Variants in PANK1 observed in about 807,000 individuals in gnomAD.
PANK1 encodes the protein pantothenate kinase 1.
In PANK1, 18 loss-of-function variants were observed where a neutral mutation model predicts 40.1. The ratio of observed to expected loss-of-function variants is 0.45; its 90% confidence interval spans 0.31 to 0.67. The LOEUF is 0.67. PANK1 is among the 30% of genes least tolerant of loss of function. The pLI is 0.06. For synonymous variants in PANK1, 242 were observed against 237.7 expected, an observed-to-expected ratio of 1.02 and a Z score of -0.17; for missense variants, 457 against 599.6, an observed-to-expected ratio of 0.76 and a Z score of 2.48.
intron 1 of PANK1, among the ~76,000 whole-genome samples, chr10:89,635,159 T>G (rs1841767297): frequency 6.7e-6 from 1 of 149,590 alleles, no homozygotes; most frequent in Non-Finnish European, 1.5e-5. Context: ...GAGAGAGAGA[T>G]AAAATGTCCT....
At chr10:89,615,582 T>A (rs1845292722) in intron 1 of PANK1, among the ~76,000 whole-genome samples, 1 of 152,188 alleles carries the variant, frequency 6.6e-6, no homozygotes, top group Non-Finnish European at 1.5e-5. Context: ...ATAAGAATTA[T>A]CTTATCTCTG....
chr10:89,616,870 G>A (rs146182516), intron 1 of PANK1, among the ~76,000 whole-genome samples: 1,557 of 151,816 alleles, frequency 0.01, 15 homozygotes, highest in Middle Eastern at 0.031. Context: ...GCAGTGAGCC[G>A]AGATCACTCC....
At chr10:89,632,442 A>G (rs1262970790) in intron 1 of PANK1, among the ~76,000 whole-genome samples, 2 of 152,204 alleles carry the variant, frequency 1.3e-5, no homozygotes, top group Non-Finnish European at 2.9e-5. Context: ...AATAAATTAT[A>G]AATCACCCTA....
At chr10:89,581,301 C>T (rs534281628), downstream of PANK1, 1 of 152,220 alleles carries the variant, frequency 6.6e-6, no homozygotes, top group Non-Finnish European at 1.5e-5. Context: ...TTGTTCCCAA[C>T]AAAGAGACTC....
chr10:89,581,615 C>T (rs866686370), downstream of PANK1: 2 of 152,168 alleles, frequency 1.3e-5, no homozygotes, highest in African/African-American at 2.4e-5. Flanking sequence ...GGGGTTTCAC[C>T]GTATTAGCCA....
At chr10:89,621,388 C>G (rs1158868532) in intron 1 of PANK1, among the ~76,000 whole-genome samples, 2 of 151,944 alleles carry the variant, frequency 1.3e-5, no homozygotes, top group Admixed American at 1.3e-4. Context: ...ACTAACCTTC[C>G]TTTCACAATG....
intron 3 of PANK1, among the ~76,000 whole-genome samples, chr10:89,596,739 A>G (rs1219377599): frequency 2.0e-5 from 3 of 152,226 alleles, no homozygotes; most frequent in African/African-American, 7.2e-5. Flanking sequence ...AACAAACAAC[A>G]TCATAGTGGG....
chr10:89,614,609 G>A (rs1436990273), intron 1 of PANK1, among the ~76,000 whole-genome samples: 2 of 152,004 alleles, frequency 1.3e-5, no homozygotes, highest in Admixed American at 6.6e-5. Context: ...ACCAGCCTGG[G>A]CAACATGACG....
intron 1 of PANK1, among the ~76,000 whole-genome samples, chr10:89,634,495 T>C (rs773740588): frequency 2.6e-5 from 4 of 152,226 alleles, no homozygotes; most frequent in Non-Finnish European, 4.4e-5. Context: ...TCATTCATCA[T>C]CTGCCAAAGG....
chr10:89,634,325 C>G (rs1421236597), intron 1 of PANK1, among the ~76,000 whole-genome samples: 1 of 152,144 alleles, frequency 6.6e-6, no homozygotes, highest in African/African-American at 2.4e-5. Context: ...AAGTAACTGG[C>G]TGCCCAGGCT....
intron 1 of PANK1, among the ~76,000 whole-genome samples, chr10:89,630,544 G>C (rs977405534): frequency 3.3e-5 from 5 of 150,764 alleles, no homozygotes; most frequent in African/African-American, 7.4e-5. Context: ...CCAGGCTGGA[G>C]TGCAGCGGCG....
downstream of PANK1, chr10:89,582,581 G>A (rs1844071497): frequency 6.6e-6 from 1 of 152,182 alleles, no homozygotes; most frequent in Admixed American, 6.5e-5. Context: ...AATAGGAATA[G>A]AAGAGGCCAT....
chr10:89,627,514 C>T (rs529531065), intron 1 of PANK1, among the ~76,000 whole-genome samples: 28 of 152,290 alleles, frequency 1.8e-4, no homozygotes, highest in African/African-American at 6.5e-4. Flanking sequence ...CTTATTCATT[C>T]ACTGATTGAA....
intron 3 of PANK1, among the ~76,000 whole-genome samples, chr10:89,595,832 AAAT>A (rs1277777125): frequency 3.4e-4 from 19 of 56,550 alleles, no homozygotes; most frequent in East Asian, 1.0e-3. Context: ...AAAAAAAAAA[AAAT>A]ATATATATAT....
At chr10:89,593,440 C>T in intron 4 of PANK1, 120 bp from the exon 5 acceptor site, 1 of 1,151,152 alleles carries the variant, frequency 8.7e-7, no homozygotes. Context: ...TCCAATTTTG[C>T]TACTATGGTT....
At chr10:89,641,663 C>T (rs555816855) in intron 1 of PANK1, among the ~76,000 whole-genome samples, 45 of 147,376 alleles carry the variant, frequency 3.1e-4, no homozygotes, top group African/African-American at 9.7e-4. Flanking sequence ...AGCCAGGAGG[C>T]GGAGCTTGCA....
intron 1 of PANK1, among the ~76,000 whole-genome samples, chr10:89,617,668 C>A (rs1041172427): frequency 2.0e-5 from 3 of 152,072 alleles, no homozygotes; most frequent in African/African-American, 7.2e-5. Context: ...TTAAATCTTT[C>A]AATTAGAATA....
At chr10:89,588,829 T>C in intron 5 of PANK1, 52 bp from the exon 6 acceptor site, 1 of 1,382,726 alleles carries the variant, frequency 7.2e-7, no homozygotes, top group South Asian at 1.4e-5. Context: ...AAATAGCATT[T>C]GGCAAAGACC....
At chr10:89,629,026 G>A (rs1385010018) in intron 1 of PANK1, among the ~76,000 whole-genome samples, 1 of 152,190 alleles carries the variant, frequency 6.6e-6, no homozygotes, top group Non-Finnish European at 1.5e-5. Flanking sequence ...TCCAGAACCT[G>A]CTGTGTCCGA....
Sources: gnomAD v4.1 joint callset for allele counts (sites outside exome capture counted in the v4.1 genomes callset) on GRCh38, gnomAD v4.1.1 for gene constraint, MANE v1.5 for transcripts, NCBI Gene and HGNC (gene_info 2026-07-23, HGNC 2026-07-21) for gene names.